CUL3: variants seen among roughly 807,000 people sequenced by gnomAD.
The protein encoded by CUL3 is cullin 3.
A neutral mutation model predicts 89.1 loss-of-function variants in CUL3; 19 were observed. That is an observed-to-expected ratio of 0.21 (90% CI 0.15 to 0.31). The LOEUF (loss-of-function observed/expected upper bound fraction) is 0.31, where lower values mean the gene tolerates loss of function less well. CUL3 is among the 10% of genes least tolerant of loss of function. The probability of loss-of-function intolerance (pLI) is 1.00; values close to 1 mark genes in which losing one functional copy is unlikely to be tolerated. For synonymous variants in CUL3, 351 were observed against 308.4 expected, an observed-to-expected ratio of 1.14 and a Z score of -1.45; for missense variants, 469 against 942.3, an observed-to-expected ratio of 0.50 and a Z score of 6.58.
chr2:224,566,829 A>C (rs1050132248), intron 1 of CUL3, among the ~76,000 whole-genome samples: 5 of 152,250 alleles, frequency 3.3e-5, no homozygotes, highest in Admixed American at 3.3e-4. Context: ...CTGCATATTC[A>C]ATATGAGATA....
chr2:224,516,265 C>A (rs1425996740), intron 3 of CUL3, among the ~76,000 whole-genome samples: 1 of 151,332 alleles, frequency 6.6e-6, no homozygotes, highest in African/African-American at 2.4e-5. Flanking sequence ...CTTCCATCCT[C>A]AAGATCTTAA....
At position 224,531,904 on chromosome 2, in the gene CUL3, G is replaced by GT. The variant is rs1250276389; in HGVS notation, c.378+3623dup. 2.0e-5 allele frequency among the ~76,000 whole-genome samples: 3 copies of GT among 152,198 alleles called. No individual in the cohort carries two copies. The East Asian group carries it at 5.8e-4, about 29-fold the overall frequency. ...AACAGAGAAGAGCCCAGTGAACACTGTAAGACTAGCAACACTGAATATTTC... is the reference window on the plus strand; with the variant it reads ...AACAGAGAAGAGCCCAGTGAACACTGTTAAGACTAGCAACACTGAATATTTC... On this transcript the variant is annotated intron_variant, in intron 3 of 15. Transcript: ENST00000264414.
chr2:224,535,073 C>A (rs1348060035), intron 3 of CUL3, among the ~76,000 whole-genome samples: 2 of 151,512 alleles, frequency 1.3e-5, no homozygotes, highest in African/African-American at 4.8e-5. Flanking sequence ...TTTTTATTCA[C>A]ATAGGCTTCG....
At chr2:224,561,498 C>CA (rs1443892201) in intron 1 of CUL3, among the ~76,000 whole-genome samples, 1 of 152,176 alleles carries the variant, frequency 6.6e-6, no homozygotes, top group African/African-American at 2.4e-5. Flanking sequence ...GCTCAACTCT[C>CA]AATCAAGACG....
intron 1 of CUL3, among the ~76,000 whole-genome samples, chr2:224,570,221 A>G (rs1695152980): frequency 6.6e-6 from 1 of 152,206 alleles, no homozygotes; most frequent in Non-Finnish European, 1.5e-5. Flanking sequence ...ACAGTATACA[A>G]CTACTTATGA....
At chr2:224,491,613 A>G (rs1377556664) in intron 13 of CUL3, among the ~76,000 whole-genome samples, 1 of 152,198 alleles carries the variant, frequency 6.6e-6, no homozygotes, top group Non-Finnish European at 1.5e-5. Context: ...TAGTAGTAGT[A>G]AAGATAGGCA....
At chr2:224,507,670 G>A (rs568146039) in intron 6 of CUL3, among the ~76,000 whole-genome samples, 5 of 152,088 alleles carry the variant, frequency 3.3e-5, no homozygotes, top group African/African-American at 1.2e-4. Context: ...TCAAAATTTG[G>A]TCTATCTCAC....
Position 224,585,146 on chromosome 2 carries a change from C to T in CUL3, c.-137G>A. On this transcript the variant is annotated 5_prime_UTR_variant, in exon 1 of 16. Coordinates refer to ENST00000264414, the MANE Select transcript of CUL3 (RefSeq NM_003590.5). ...CCCCCGGGCAGGGCTGGGGAGCTGG[C>T]CGGCCCCTGGGCAGCCGCGGCGGCG... The T allele has an allele frequency of 2.0e-6, 1 of 488,436 alleles. No individual in the cohort carries two copies. The highest frequency in any genetic ancestry group is 2.8e-6 in the Non-Finnish European group (1 of 355,298). 30.3% of individuals were successfully genotyped at this position (488,436 alleles called of 1,614,324 possible).
At chr2:224,569,484 G>C (rs187959585) in intron 1 of CUL3, among the ~76,000 whole-genome samples, 80 of 152,272 alleles carry the variant, frequency 5.3e-4, no homozygotes, top group African/African-American at 1.8e-3. Context: ...TTTAATTTTT[G>C]AAAGTGATCT....
intron 2 of CUL3, among the ~76,000 whole-genome samples, chr2:224,554,941 A>C (rs1381083298): frequency 6.6e-6 from 1 of 151,922 alleles, no homozygotes; most frequent in Non-Finnish European, 1.5e-5. Flanking sequence ...CATTTCCCAC[A>C]CCTACTTACT....
chr2:224,520,645 T>C (rs1678708919), intron 3 of CUL3, among the ~76,000 whole-genome samples: 1 of 152,176 alleles, frequency 6.6e-6, no homozygotes, highest in South Asian at 2.1e-4. Context: ...GGAGTCTTTC[T>C]AAGCCACAAG....
chr2:224,557,876 G>GA lies in CUL3; in HGVS notation c.67-21dup. On this transcript the variant is annotated intron_variant, in intron 1 of 15. Coordinates refer to ENST00000264414, the MANE Select transcript of CUL3 (RefSeq NM_003590.5). Reference sequence around the variant, plus strand: ...GGTCATCTGTAATATCCAAGAGAGAGAAGAGACAAAAAAAAAAAAAAAAAA... The same window carrying GA: ...GGTCATCTGTAATATCCAAGAGAGAGAAAGAGACAAAAAAAAAAAAAAAAAA... The GA allele has an allele frequency of 6.1e-5, 9 of 146,614 alleles. No homozygotes were observed. The highest frequency in any genetic ancestry group is 1.5e-4 in the South Asian group (2 of 13,268). 9.1% of individuals were successfully genotyped at this position (146,614 alleles called of 1,614,324 possible).
chr2:224,582,014 G>A (rs1204318556), intron 1 of CUL3, among the ~76,000 whole-genome samples: 2 of 152,026 alleles, frequency 1.3e-5, no homozygotes, highest in East Asian at 1.9e-4. Context: ...GCCCAGGCTG[G>A]AGTGCAATGG....
At chr2:224,532,096 T>A (rs1477206826) in intron 3 of CUL3, among the ~76,000 whole-genome samples, 12 of 152,218 alleles carry the variant, frequency 7.9e-5, no homozygotes, top group Admixed American at 7.9e-4. Flanking sequence ...TGAGCTCATT[T>A]GGACATGCCA....
Position 224,485,642 on chromosome 2 carries a change from T to C in CUL3, c.1843-3564A>G, listed in dbSNP as rs1027908476. Among the ~76,000 whole-genome samples, 6 of 152,182 alleles carry C rather than the reference T, an allele frequency of 3.9e-5. No individual in the cohort carries two copies. Among genetic ancestry groups the C allele is most frequent in the Non-Finnish European group, 7.3e-5 (5 of 68,028 alleles). ...CTTGTAAATAAAACTCCCATCTCCCTGGGACAGAGCACCTGGGAAGAAGGC... is the reference window on the plus strand; with the variant it reads ...CTTGTAAATAAAACTCCCATCTCCCCGGGACAGAGCACCTGGGAAGAAGGC... On this transcript the variant is annotated intron_variant, in intron 13 of 15. Coordinates refer to ENST00000264414, the MANE Select transcript of CUL3 (RefSeq NM_003590.5). This position sits in a 1 kb window ranked among gnomAD's most constrained non-coding sequence, Gnocchi z 4.1.
chr2:224,476,517 A>G (rs1188214016), intron 15 of CUL3, among the ~76,000 whole-genome samples: 4 of 152,218 alleles, frequency 2.6e-5, no homozygotes, highest in East Asian at 1.9e-4. Flanking sequence ...CACCAAGCTC[A>G]TATCGGGTTT....
At chr2:224,498,167 A>G (rs892703548) in intron 11 of CUL3, among the ~76,000 whole-genome samples, 3 of 152,108 alleles carry the variant, frequency 2.0e-5, no homozygotes, top group African/African-American at 4.8e-5. Flanking sequence ...GTAACCCAAT[A>G]ATCAATTTGT....
At chr2:224,490,556 T>A (rs562864008) in intron 13 of CUL3, among the ~76,000 whole-genome samples, 11 of 152,200 alleles carry the variant, frequency 7.2e-5, no homozygotes, top group African/African-American at 2.6e-4. Flanking sequence ...TGTGTCTTTA[T>A]TTCTACAATC....
intron 2 of CUL3, among the ~76,000 whole-genome samples, chr2:224,544,943 A>AT (rs1338367840): frequency 6.6e-6 from 1 of 152,116 alleles, no homozygotes; most frequent in African/African-American, 2.4e-5. Flanking sequence ...CAGGTCAGGA[A>AT]TAAGGACACT....
Sources: allele counts gnomAD v4.1 joint callset (sites outside exome capture counted in the v4.1 genomes callset), GRCh38; gene constraint gnomAD v4.1.1; non-coding constraint Gnocchi (gnomAD v3.1); transcripts MANE v1.5; gene names NCBI Gene and HGNC (gene_info 2026-07-23, HGNC 2026-07-21).